Variants in RASGRP4 observed in about 807,000 individuals in gnomAD.
The protein encoded by RASGRP4 is RAS guanyl releasing protein 4, also known as RAS guanyl-releasing protein 4.
In RASGRP4, 52 loss-of-function variants were observed where a neutral mutation model predicts 84.4. The ratio of observed to expected loss-of-function variants is 0.62; its 90% CI spans 0.49 to 0.78. The LOEUF is 0.78. Ranked by LOEUF, RASGRP4 falls within the 30% of genes least tolerant of loss-of-function variation. The pLI is 0.00. For synonymous variants in RASGRP4, 356 were observed against 359.1 expected, an observed-to-expected ratio of 0.99 and a Z score of 0.10; for missense variants, 760 against 886.9, an observed-to-expected ratio of 0.86 and a Z score of 1.82.
rs56791891 is a variant in RASGRP4 at position 38,412,083 on chromosome 19, T to TTTG, written c.1680+586_1680+588dup. ...CTACCCGGTTTGGAGATTATCCAGG[T>TTTG]TTGTTGTTGTTGTTGTTGTTGTTGT... On this transcript the variant is annotated intron_variant, in intron 13 of 16. Coordinates refer to ENST00000615439, the MANE Select transcript of RASGRP4 (RefSeq NM_170604.3). The surrounding 1 kb of genome is among the most constrained non-coding windows in gnomAD (Gnocchi z 4.6). 0.073 allele frequency among the ~76,000 whole-genome samples: 9,418 copies of TTTG among 128,638 alleles called. 389 individuals are homozygous for TTTG. The highest frequency in any genetic ancestry group is 0.16 in the East Asian group (704 of 4,406). 84.4% of individuals were successfully genotyped at this position (128,638 alleles called of 152,430 possible).
In RASGRP4 at chr19:38,412,970, G is replaced by C. The variant is rs1353912161; in HGVS notation, c.1496C>G (p.Pro499Arg). ...EDFERLSGNF[P>R]FACHGLHPPP... ...TGGGTGAAGCCCATGGCAGGCGAAG[G>C]GAAAATTGCCCGAGAGTCGCTCAAA... Residue 499 changes from proline to arginine, a missense_variant, in exon 12 of 17, where the codon CCC becomes CGC. Coordinates refer to ENST00000615439, the MANE Select transcript of RASGRP4 (RefSeq NM_170604.3). This position sits in a 1 kb window ranked among gnomAD's most constrained non-coding sequence, Gnocchi z 4.6. 3 of 1,613,932 alleles carry C rather than the reference G, an allele frequency of 1.9e-6. No individual in the cohort carries two copies. Among genetic ancestry groups the C allele is most frequent in the Non-Finnish European group, 2.5e-6 (3 of 1,179,898 alleles).
At position 38,409,879 on chromosome 19, in the gene RASGRP4, A is replaced by G; in HGVS notation, c.*161T>C. ...CACCAGGATGCAAAAGAGGAAAGTC[A>G]CTTCCAGGGAAAAAGATGACGGACG... On this transcript the variant is annotated 3_prime_UTR_variant, in exon 17 of 17. Transcript: ENST00000615439. 1.8e-6 allele frequency: 1 copy of G among 566,854 alleles called. No homozygotes were observed. The highest frequency in any genetic ancestry group is 3.2e-6 in the Non-Finnish European group (1 of 314,910). The allele number at this position is 566,854 out of a possible 1,614,324, so 35.1% of individuals were successfully genotyped here.
chr19:38,420,244 G>A lies in RASGRP4; in HGVS notation c.396C>T (p.His132=), dbSNP rs1249821309. The change falls in exon 5 of 17, where the codon CAC becomes CAT. Residue 132 remains histidine (H), a synonymous_variant. Coordinates refer to ENST00000615439, the MANE Select transcript of RASGRP4 (RefSeq NM_170604.3). ...GGGGATCCTGGTGCATCACCTCAGGGTGTCGCATCAGCCAGTACCTGAGAG... is the reference window on the plus strand; with the variant it reads ...GGGGATCCTGGTGCATCACCTCAGGATGTCGCATCAGCCAGTACCTGAGAG... ...CHLVRYWLMR[H]PEVMHQDPQL... is the part of the protein sequence containing the mutation. The A allele has an allele frequency of 1.9e-6, 3 of 1,613,372 alleles. No individual in the cohort carries two copies. Among genetic ancestry groups the A allele is most frequent in the Admixed American group, 1.7e-5 (1 of 59,904 alleles).
Position 38,413,529 on chromosome 19 carries a change from C to G in RASGRP4, c.1231-55G>C, listed in dbSNP as rs1971369623. On this transcript the variant is annotated intron_variant, in intron 9 of 16. Transcript: ENST00000615439. The surrounding 1 kb of genome is among the most constrained non-coding windows in gnomAD (Gnocchi z 4.7). ...CCCATCTATAGCCCTGCCCCAGACC[C>G]CCACACCCACTCGCAGGCTCTTCCC... 7.0e-7 allele frequency: 1 copy of G among 1,423,990 alleles called. No individual in the cohort carries two copies. Among genetic ancestry groups the G allele is most frequent in the East Asian group, 2.5e-5 (1 of 40,518 alleles). 88.2% of individuals were successfully genotyped at this position (1,423,990 alleles called of 1,614,324 possible).
In RASGRP4 at chr19:38,411,001, G is replaced by T; in HGVS notation, c.1853-3C>A. ...GTAGGAGTGATTTTCCTCGGAGCCT[G>T]TTTGTGGGTGGATGGAAGGGATGTG... is the stretch of plus-strand genomic sequence containing the variant. On this transcript the variant is annotated splice_polypyrimidine_tract_variant and splice_region_variant and intron_variant, in intron 15 of 16. Transcript: ENST00000615439. The T allele has an allele frequency of 6.2e-7, 1 of 1,605,694 alleles. No homozygotes were observed. The highest frequency in any genetic ancestry group is 8.5e-7 in the Non-Finnish European group (1 of 1,176,182).
In RASGRP4 at chr19:38,411,156, C is replaced by G; in HGVS notation, c.1811G>C (p.Gly604Ala). Residue 604 changes from glycine to alanine, a missense_variant, in exon 15 of 17, where the codon GGA becomes GCA. By Grantham distance (60) the Gly-to-Ala change is moderately conservative. Transcript: ENST00000615439. ...AGCTGGTGTGGATGGGACAGGAGCT[C>G]CGGGGGGTCCTGCATCGCCCTTGGC... ...PGAKGDAGPP[G>A]APVPSTPAPH... 6.2e-7 allele frequency: 1 copy of G among 1,613,896 alleles called. No homozygotes were observed.
rs758089999 is a variant in RASGRP4, at chr19:38,412,654, A to G, written c.1680+18T>C. 1 of 1,609,544 alleles carries G rather than the reference A, an allele frequency of 6.2e-7. No individual in the cohort carries two copies. The highest frequency in any genetic ancestry group is 8.5e-7 in the Non-Finnish European group (1 of 1,177,842). On this transcript the variant is annotated intron_variant, in intron 13 of 16. Transcript: ENST00000615439. This position sits in a 1 kb window ranked among gnomAD's most constrained non-coding sequence, Gnocchi z 4.6. ...GGACAGATGGAACCTAAGGGTGGTGATGGGGTGGGGTGCTCACGAAGCCAC... is the reference window on the plus strand; with the variant it reads ...GGACAGATGGAACCTAAGGGTGGTGGTGGGGTGGGGTGCTCACGAAGCCAC...
Position 38,418,191 on chromosome 19 carries a change from G to A in RASGRP4, c.837+200C>T, listed in dbSNP as rs971030010. ...TCTAGGGCCAAGGGGTGGGGCCACG[G>A]TGGGTGCGACGCGGTGACATCAAGG... On this transcript the variant is annotated intron_variant, in intron 7 of 16. Transcript: ENST00000615439. The surrounding 1 kb of genome is among the most constrained non-coding windows in gnomAD (Gnocchi z 4.6). Among the ~76,000 whole-genome samples, 2 of 152,054 alleles carry A rather than the reference G, an allele frequency of 1.3e-5. No individual in the cohort carries two copies. Among genetic ancestry groups the A allele is most frequent in the Non-Finnish European group, 2.9e-5 (2 of 67,992 alleles).
chr19:38,416,554 C>T (rs1209516403), intron 8 of RASGRP4, among the ~76,000 whole-genome samples: 1 of 151,832 alleles, frequency 6.6e-6, no homozygotes, highest in Non-Finnish European at 1.5e-5. Flanking sequence ...CTAAAGTGAT[C>T]CTCCAATCTT....
rs1216865539 is a variant in RASGRP4, at chr19:38,409,558, G to GT, written c.*481_*482insA. The stretch of plus-strand genomic sequence containing the variant: ...TTTGAGACCATCTTGGCCAACATGG[G>GT]GAAACCCCGTCTCTACTAAAAATAC... On this transcript the variant is annotated 3_prime_UTR_variant, in exon 17 of 17. Coordinates refer to ENST00000615439, the MANE Select transcript of RASGRP4 (RefSeq NM_170604.3). 1 of 152,364 alleles carries GT rather than the reference G, an allele frequency of 6.6e-6. No homozygotes were observed. Among genetic ancestry groups the GT allele is most frequent in the Non-Finnish European group, 1.5e-5 (1 of 68,322 alleles). The allele number at this position is 152,364 out of a possible 1,614,324, so 9.4% of individuals were successfully genotyped here. A position where few individuals can be genotyped will look rare whatever the true frequency, so the allele number is the denominator to read the frequency against.
At chr19:38,421,005 C>T (rs1971721893) in intron 3 of RASGRP4, 35 bp from the exon 4 acceptor site, 2 of 1,611,728 alleles carry the variant, frequency 1.2e-6, no homozygotes, top group Non-Finnish European at 1.7e-6. Context: ...TTCCAGGATC[C>T]ATGACCTGCC....
intron 1 of RASGRP4, among the ~76,000 whole-genome samples, chr19:38,423,050 TTCC>T (rs1971827515): frequency 6.6e-6 from 1 of 151,998 alleles, no homozygotes; most frequent in Non-Finnish European, 1.5e-5. Context: ...TGGAAGAGAC[TTCC>T]TTTTGGCAGA....
At position 38,421,960 on chromosome 19, in the gene RASGRP4, G is replaced by C; in HGVS notation, c.208+9C>G. 6.2e-7 allele frequency: 1 copy of C among 1,606,694 alleles called. No homozygotes were observed. The highest frequency in any genetic ancestry group is 8.5e-7 in the Non-Finnish European group (1 of 1,177,040). On this transcript the variant is annotated intron_variant, in intron 2 of 16. Transcript: ENST00000615439. ...GGGCCAGGGAGGCTGCTGGGGAGAG[G>C]ACACTTACCGAAGGACTGGATGCAT...
In RASGRP4 at chr19:38,418,341, C is replaced by T. The variant is rs1971591750; in HGVS notation, c.837+50G>A. On this transcript the variant is annotated intron_variant, in intron 7 of 16. Transcript: ENST00000615439. The surrounding 1 kb of genome is among the most constrained non-coding windows in gnomAD (Gnocchi z 4.6). Reference sequence around the variant, plus strand: ...GGTCGAGGGTCTGGAAGGGGAAGGACCAGGTGGCTGCGTGCAGTGGAGTTC... The same window carrying T: ...GGTCGAGGGTCTGGAAGGGGAAGGATCAGGTGGCTGCGTGCAGTGGAGTTC... 1.3e-6 allele frequency: 2 copies of T among 1,556,680 alleles called. No homozygotes were observed. Among genetic ancestry groups the T allele is most frequent in the African/African-American group, 1.4e-5 (1 of 73,624 alleles).
Position 38,413,991 on chromosome 19 carries a change from C to T in RASGRP4, c.1231-517G>A, listed in dbSNP as rs1256949522. On this transcript the variant is annotated intron_variant, in intron 9 of 16. Transcript: ENST00000615439. The surrounding 1 kb of genome is among the most constrained non-coding windows in gnomAD (Gnocchi z 4.7). The stretch of plus-strand genomic sequence containing the variant: ...TCACCCAGGCTGGAGTGTAGTGGTA[C>T]GATCTTGGCTCACTGCAACCTCCGC... Among the ~76,000 whole-genome samples, 1 of 152,020 alleles carries T rather than the reference C, an allele frequency of 6.6e-6. No homozygotes were observed. Among genetic ancestry groups the T allele is most frequent in the Admixed American group, 6.6e-5 (1 of 15,252 alleles).
intron 8 of RASGRP4, 91 bp downstream of exon 8, chr19:38,416,961 C>A: frequency 1.3e-6 from 1 of 773,662 alleles, no homozygotes; most frequent in Non-Finnish European, 2.3e-6. Context: ...ACCAGGACCC[C>A]TGGGCAGGAA....
In RASGRP4 at chr19:38,421,103, C is replaced by G. The variant is rs1293948759; in HGVS notation, c.306G>C (p.Leu102=). Residue 102 remains leucine (L), a synonymous_variant, in exon 3 of 17, where the codon CTG becomes CTC. Transcript: ENST00000615439. The part of the protein sequence containing the change: ...VLPSADLAAR[L]LTSYQKATGD... Reference sequence around the variant, plus strand: ...ACAGTCCTGGAGGATATGAGGTCAGCAGGCGGGCAGCCAGGTCGGCGGACG... The same window carrying G: ...ACAGTCCTGGAGGATATGAGGTCAGGAGGCGGGCAGCCAGGTCGGCGGACG... 6.2e-7 allele frequency: 1 copy of G among 1,613,650 alleles called. No individual in the cohort carries two copies. Among genetic ancestry groups the G allele is most frequent in the Admixed American group, 1.7e-5 (1 of 60,016 alleles).
chr19:38,410,974 G>C lies in RASGRP4; in HGVS notation c.1877C>G (p.Thr626Arg). 6.2e-7 allele frequency: 1 copy of C among 1,601,808 alleles called. No individual in the cohort carries two copies. Among genetic ancestry groups the C allele is most frequent in the Non-Finnish European group, 8.5e-7 (1 of 1,174,260 alleles). Residue 626 changes from threonine (T) to arginine (R), a missense_variant, in exon 16 of 17, where the codon ACG becomes AGG. Transcript: ENST00000615439. The part of the protein sequence containing the change: ...SCGSEENHSY[T>R]LSLEPETGCQ... ...CCCAGTCTCAGGCTCCAGGGATAGC[G>C]TGTAGGAGTGATTTTCCTCGGAGCC...
intron 4 of RASGRP4, 95 bp downstream of exon 4, chr19:38,420,813 G>T: frequency 7.7e-7 from 1 of 1,302,182 alleles, no homozygotes; most frequent in Non-Finnish European, 1.1e-6. Flanking sequence ...GGGTCTGTGG[G>T]AACTGGCCTG....
Sources: allele counts gnomAD v4.1 joint callset (sites outside exome capture counted in the v4.1 genomes callset), GRCh38; gene constraint gnomAD v4.1.1; non-coding constraint Gnocchi (gnomAD v3.1); transcripts MANE v1.5; gene names NCBI Gene and HGNC (gene_info 2026-07-23, HGNC 2026-07-21).